The following EDDM3A variants were observed in gnomAD, a reference collection of about 807,000 sequenced individuals.
EDDM3A encodes epididymal protein 3A, also known as epididymal secretory protein E3-alpha.
For synonymous variants in EDDM3A, 75 were observed against 60.4 expected (o/e 1.24, Z -1.12); for missense variants, 199 against 177.4 (o/e 1.12, Z -0.69).
chr14:20,741,470 G>A (rs1462244948), upstream of EDDM3A, among the ~76,000 whole-genome samples: 4 of 152,140 alleles, frequency 2.6e-5, no homozygotes, highest in Non-Finnish European at 5.9e-5. Context: ...CACCTTGCTA[G>A]CAGCTGCTTA....
In EDDM3A at chr14:20,747,969, A is replaced by G. The variant is rs200901073; in HGVS notation, c.389A>G (p.Asp130Gly). ...FSYIEFHCGV[D>G]GYVDNIEDLR... ...TACATTGAATTCCATTGTGGCGTAG[A>G]TGGATATGTTGATAACATAGAAGAC... Residue 130 changes from aspartate (D) to glycine (G), a missense_variant, in exon 2 of 2, where the codon GAT becomes GGT. Coordinates refer to ENST00000326842, the MANE Select transcript of EDDM3A (RefSeq NM_006683.5). 961 of 1,613,750 alleles carry G rather than the reference A, an allele frequency of 6.0e-4. 1 individual carries two copies. Among genetic ancestry groups the G allele is most frequent in the Admixed American group, 1.6e-3 (96 of 59,942 alleles).
chr14:20,743,027 G>A (rs907984303), upstream of EDDM3A, among the ~76,000 whole-genome samples: 2 of 152,142 alleles, frequency 1.3e-5, no homozygotes, highest in African/African-American at 4.8e-5. Context: ...GAGCCACTAT[G>A]CCCAGCCCCT....
In EDDM3A at chr14:20,747,616, G is replaced by C; in HGVS notation, c.36G>C (p.Leu12Phe). ...TSSLKIWGIL[L>F]ALLCILCRLC... Reference sequence around the variant, plus strand: ...CTCTAAAGATTTGGGGCATACTCTTGGCCCTGCTTTGCATCCTTTGCAGGC... The same window carrying C: ...CTCTAAAGATTTGGGGCATACTCTTCGCCCTGCTTTGCATCCTTTGCAGGC... Residue 12 changes from leucine to phenylalanine, a missense_variant, in exon 2 of 2, where the codon TTG becomes TTC. Coordinates refer to ENST00000326842, the MANE Select transcript of EDDM3A (RefSeq NM_006683.5). 1 of 1,612,658 alleles carries C rather than the reference G, an allele frequency of 6.2e-7. No individual in the cohort carries two copies. Among genetic ancestry groups the C allele is most frequent in the South Asian group, 1.1e-5 (1 of 90,854 alleles).
Position 20,747,924 on chromosome 14 carries a change from C to T in EDDM3A, c.344C>T (p.Thr115Ile), listed in dbSNP as rs1321926688. Reference protein sequence around the residue: ...CHWEKYNNRYTESRSFSYIEF... With the variant: ...CHWEKYNNRYIESRSFSYIEF... The stretch of plus-strand genomic sequence containing the variant: ...TGGGAGAAGTACAACAATAGGTACA[C>T]AGAGAGCAGAAGCTTCAGCTACATT... The change falls in exon 2 of 2, where the codon ACA becomes ATA. Residue 115 changes from threonine to isoleucine, a missense_variant. By Grantham distance (89) the Thr-to-Ile change is moderately conservative. Transcript: ENST00000326842. The T allele has an allele frequency of 6.2e-7, 1 of 1,614,122 alleles. No individual in the cohort carries two copies. The highest frequency in any genetic ancestry group is 1.1e-5 in the South Asian group (1 of 91,076).
chr14:20,747,251 C>A (rs576334262), intron 1 of EDDM3A, among the ~76,000 whole-genome samples: 25 of 152,062 alleles, frequency 1.6e-4, no homozygotes, highest in African/African-American at 6.0e-4. Context: ...CTACAGCCAC[C>A]ATGTCCAGCT....
chr14:20,741,758 C>G (rs1002365273), upstream of EDDM3A, among the ~76,000 whole-genome samples: 3 of 152,160 alleles, frequency 2.0e-5, no homozygotes, highest in African/African-American at 4.8e-5. Flanking sequence ...CCGAGGGCAG[C>G]CTCTGACCCA....
upstream of EDDM3A, among the ~76,000 whole-genome samples, chr14:20,741,676 C>T (rs889979255): frequency 6.6e-6 from 1 of 152,184 alleles, no homozygotes; most frequent in Admixed American, 6.5e-5. Flanking sequence ...ATTTCCAATT[C>T]ACCAAATGCC....
the EDDM3A span, among the ~76,000 whole-genome samples, chr14:20,740,092 A>G: frequency 6.6e-6 from 1 of 152,198 alleles, no homozygotes; most frequent in East Asian, 1.9e-4. Flanking sequence ...GCCGCTGTCC[A>G]GACCCCTCAC....
chr14:20,747,728 T>C lies in EDDM3A; in HGVS notation c.148T>C (p.Cys50Arg). Reference protein sequence around the residue: ...SPSREFKEYKCDVLMREKEAL... With the variant: ...SPSREFKEYKRDVLMREKEAL... ...AAGTCGAGAATTCAAAGAGTACAAATGTGATGTCCTCATGAGAGAAAAAGA... is the reference window on the plus strand; with the variant it reads ...AAGTCGAGAATTCAAAGAGTACAAACGTGATGTCCTCATGAGAGAAAAAGA... The change falls in exon 2 of 2, where the codon TGT (cysteine) becomes CGT (arginine). Residue 50 changes from cysteine (C) to arginine (R), a missense_variant. Transcript: ENST00000326842. 7 of 1,614,120 alleles carry C rather than the reference T, an allele frequency of 4.3e-6. No individual in the cohort carries two copies. Among genetic ancestry groups the C allele is most frequent in the Non-Finnish European group, 5.9e-6 (7 of 1,180,008 alleles).
upstream of EDDM3A, among the ~76,000 whole-genome samples, chr14:20,741,537 C>A (rs1039032354): frequency 2.6e-5 from 4 of 152,272 alleles, no homozygotes; most frequent in African/African-American, 4.8e-5. Context: ...AAGTTAGGAC[C>A]CCCTGGGACC....
rs1321024364 is a variant in EDDM3A at position 20,746,010 on chromosome 14, G to A, written c.-27+18G>A. 1 of 152,248 alleles carries A rather than the reference G, an allele frequency of 6.6e-6. No homozygotes were observed. The highest frequency in any genetic ancestry group is 1.5e-5 in the Non-Finnish European group (1 of 68,090). 9.4% of individuals were successfully genotyped at this position (152,248 alleles called of 1,614,324 possible). ...CAAGTAGGGTAAGAAGGGCTCTGCT[G>A]AGGTTGCTCGGGGGACAGCCAGGAA... is the stretch of plus-strand genomic sequence containing the variant. On this transcript the variant is annotated intron_variant, in intron 1 of 1. Transcript: ENST00000326842.
the EDDM3A span, among the ~76,000 whole-genome samples, chr14:20,738,470 AAAATAAATAAATAAAT>A: frequency 0.11 from 16,334 of 143,322 alleles, 990 homozygotes; most frequent in Middle Eastern, 0.23. Context: ...ACTCTGTCTC[AAAATAAATAAATAAAT>A]AAATAAATAA....
At chr14:20,736,879 T>G in the EDDM3A span, among the ~76,000 whole-genome samples, 1 of 150,902 alleles carries the variant, frequency 6.6e-6, no homozygotes, top group African/African-American at 2.4e-5. Flanking sequence ...CCTGGCTAAT[T>G]TTTTGTATTT....
rs1417412867 is a variant in EDDM3A at position 20,747,609 on chromosome 14, T to C, written c.29T>C (p.Ile10Thr). 2 of 1,610,336 alleles carry C rather than the reference T, an allele frequency of 1.2e-6. No homozygotes were observed. Among genetic ancestry groups the C allele is most frequent in the Non-Finnish European group, 1.7e-6 (2 of 1,177,840 alleles). Residue 10 changes from isoleucine (I) to threonine (T), a missense_variant, in exon 2 of 2, where the codon ATA becomes ACA. Coordinates refer to ENST00000326842, the MANE Select transcript of EDDM3A (RefSeq NM_006683.5). The stretch of plus-strand genomic sequence containing the variant: ...ACATCCTCTCTAAAGATTTGGGGCA[T>C]ACTCTTGGCCCTGCTTTGCATCCTT... MTSSLKIWG[I>T]LLALLCILCR...
At position 20,747,865 on chromosome 14, in the gene EDDM3A, G is replaced by A. The variant is rs756342192; in HGVS notation, c.285G>A (p.Trp95Ter). ...ACCGATATAGAAATGCATATGTATG[G>A]GCCCCAGGTGCCCTCAAAGTACTCG... ...GSDRYRNAYV[W>*]APGALKVLEC... Residue 95 changes from tryptophan to a stop codon, truncating the protein, a stop_gained, in exon 2 of 2, where the codon TGG (tryptophan) becomes TGA (stop). Transcript: ENST00000326842. LOFTEE classifies it low-confidence loss of function (END_TRUNC). 2.5e-5 allele frequency: 40 copies of A among 1,614,136 alleles called. 1 individual carries two copies. In the South Asian group the frequency reaches 4.4e-4, roughly 18 times the overall value.
chr14:20,743,911 A>G (rs1801858276), upstream of EDDM3A, among the ~76,000 whole-genome samples: 1 of 151,836 alleles, frequency 6.6e-6, no homozygotes, highest in African/African-American at 2.4e-5. Context: ...CTCATAGGAG[A>G]GTTCATGGAT....
At chr14:20,745,201 G>A (rs1877545182), upstream of EDDM3A, among the ~76,000 whole-genome samples, 3 of 149,398 alleles carry the variant, frequency 2.0e-5, no homozygotes, top group South Asian at 6.5e-4. Context: ...ACTCCAGCCT[G>A]GGCGACAGAG....
At chr14:20,745,185 G>A (rs1477606095), upstream of EDDM3A, among the ~76,000 whole-genome samples, 3 of 146,848 alleles carry the variant, frequency 2.0e-5, no homozygotes, top group Non-Finnish European at 3.0e-5. Flanking sequence ...GTGTTTGTGC[G>A]ACTGCACTCC....
At chr14:20,737,845 G>A in the EDDM3A span, among the ~76,000 whole-genome samples, 1 of 152,212 alleles carries the variant, frequency 6.6e-6, no homozygotes, top group Non-Finnish European at 1.5e-5. Context: ...GAGATACAAA[G>A]TAAGAAATGC....
Sources: allele counts gnomAD v4.1 joint callset (sites outside exome capture counted in the v4.1 genomes callset), GRCh38; gene constraint gnomAD v4.1.1; transcripts MANE v1.5; gene names NCBI Gene and HGNC (gene_info 2026-07-23, HGNC 2026-07-21).